The following AGRN variants were observed in gnomAD, a reference collection of about 807,000 sequenced individuals.
AGRN encodes the protein agrin, also known as agrin proteoglycan.
In AGRN, 106 loss-of-function variants were observed where a neutral mutation model predicts 211.0. That is an observed-to-expected ratio of 0.50 (90% CI 0.43 to 0.59). The LOEUF is 0.59. Ranked by LOEUF, AGRN falls within the 20% of genes least tolerant of loss-of-function variation. The pLI, the probability that AGRN is intolerant of heterozygous loss-of-function variation, is 0.00. For missense variants in AGRN, 3,040 were observed against 2,982.6 expected, an observed-to-expected ratio of 1.02 and a Z score of -0.45; for synonymous variants, 1,525 against 1,332.5, an observed-to-expected ratio of 1.14 and a Z score of -3.15.
chr1:1,044,720 C>T (rs1185792328), intron 12 of AGRN, among the ~76,000 whole-genome samples: 3 of 152,180 alleles, frequency 2.0e-5, no homozygotes, highest in Admixed American at 6.5e-5. Context: ...TCTCTGCATA[C>T]GTCCATCCGG....
chr1:1,045,327 C>G, intron 13 of AGRN, 32 bp from the exon 14 acceptor site: 1 of 1,612,074 alleles, frequency 6.2e-7, no homozygotes, highest in Non-Finnish European at 8.5e-7. Flanking sequence ...GGCTGTGCGG[C>G]CACGTGACCT....
Position 1,050,962 on chromosome 1 carries a change from GTCCTCTGCC to G in AGRN, c.5253+138_5253+146del, listed in dbSNP as rs935669772. The G allele has an allele frequency of 5.1e-5, 79 of 1,549,898 alleles. 1 individual carries two copies. The African/African-American group carries it at 8.5e-4, about 17-fold the overall frequency. The stretch of plus-strand genomic sequence containing the variant: ...TCCTGTTCTCTTGGCCGCCTGCCCT[GTCCTCTGCC>G]TCCTCTGCCTCCCTGCTCTCTGCTC... On this transcript the variant is annotated intron_variant, in intron 30 of 35. Coordinates refer to ENST00000379370, the MANE Select transcript of AGRN (RefSeq NM_198576.4).
intron 33 of AGRN, 85 bp from the exon 34 acceptor site, chr1:1,053,668 C>A (rs1645372400): frequency 6.6e-7 from 1 of 1,508,058 alleles, no homozygotes; most frequent in African/African-American, 1.4e-5. Context: ...GTGGCCTCCG[C>A]AGCTGGGGCC....
At position 1,031,857 on chromosome 1, in the gene AGRN, T is replaced by A. The variant is rs1388122171; in HGVS notation, c.464-3420T>A. Among the ~76,000 whole-genome samples the A allele has an allele frequency of 2.0e-5, 3 of 152,206 alleles. No homozygotes were observed. Among genetic ancestry groups the A allele is most frequent in the African/African-American group, 7.2e-5 (3 of 41,464 alleles). On this transcript the variant is annotated intron_variant, in intron 2 of 35. Coordinates refer to ENST00000379370, the MANE Select transcript of AGRN (RefSeq NM_198576.4). The surrounding 1 kb of genome is among the most constrained non-coding windows in gnomAD (Gnocchi z 4.8). ...TGGCGCGTGACCTGGTAGCACGGCC[T>A]GGGTTTGACCCTGGCACTGCCCCTG... is the stretch of plus-strand genomic sequence containing the variant.
At chr1:1,047,186 G>A in intron 19 of AGRN, 141 bp from the exon 20 acceptor site, 1 of 1,418,982 alleles carries the variant, frequency 7.0e-7, no homozygotes, top group Non-Finnish European at 9.4e-7. Flanking sequence ...GCCCCACCCT[G>A]GGGTCCCCAC....
chr1:1,054,665 C>A, intron 35 of AGRN, 114 bp downstream of exon 35: 1 of 1,483,476 alleles, frequency 6.7e-7, no homozygotes. Flanking sequence ...AGCCGGCGGG[C>A]TGGGCTCTCT....
rs1325213777 is a variant in AGRN, at chr1:1,048,163, C to G, written c.3903C>G (p.Thr1301=). Residue 1301 remains threonine (T), a synonymous_variant, in exon 23 of 36, where the codon ACC becomes ACG. Transcript: ENST00000379370. This position sits in a 1 kb window ranked among gnomAD's most constrained non-coding sequence, Gnocchi z 5.9. ...PSHTSQPVAK[T]TAAPTTRRPP... is the part of the protein sequence containing the mutation. The stretch of plus-strand genomic sequence containing the variant: ...ACACAAGCCAGCCCGTTGCCAAGAC[C>G]ACGGCAGCCCCCACCACACGTCGGC... 6.3e-7 allele frequency: 1 copy of G among 1,580,170 alleles called. No homozygotes were observed. The highest frequency in any genetic ancestry group is 1.3e-5 in the African/African-American group (1 of 74,218).
Position 1,046,838 on chromosome 1 carries a change from G to A in AGRN, c.3269G>A (p.Gly1090Asp). The stretch of plus-strand genomic sequence containing the variant: ...TCCCCAGGGCTCGAGCCCTTGGAGG[G>A]CAGCAGCGTGGCCACCCCTGGGCCA... ...GGSGGLEPLEGSSVATPGPPV... is the reference protein window; with the variant it reads ...GGSGGLEPLEDSSVATPGPPV... The change falls in exon 19 of 36, where the codon GGC (glycine) becomes GAC (aspartate). Residue 1090 changes from glycine to aspartate, a missense_variant. Around this residue, in one of 3 missense-constraint regions of AGRN, gnomAD observed 1,537 missense variants for 1,505.0 expected, o/e 1.02. Transcript: ENST00000379370. The A allele has an allele frequency of 6.3e-7, 1 of 1,585,804 alleles. No individual in the cohort carries two copies. Among genetic ancestry groups the A allele is most frequent in the African/African-American group, 1.3e-5 (1 of 74,912 alleles).
rs753038414 is a variant in AGRN at position 1,042,158 on chromosome 1, G to A, written c.1380G>A (p.Pro460=). 4.5e-5 allele frequency: 71 copies of A among 1,593,926 alleles called. No homozygotes were observed. The highest frequency in any genetic ancestry group is 2.7e-4 in the Admixed American group (16 of 59,698). ...QRAIPSKHQG[P]CDQAPSPCLG... ...CCATCCCCAGCAAGCACCAGGGCCC[G>A]TGTGGTGAGCGCCCCGGGGTGGAGG... Residue 460 remains proline, a synonymous_variant, in exon 7 of 36, where the codon CCG becomes CCA. Coordinates refer to ENST00000379370, the MANE Select transcript of AGRN (RefSeq NM_198576.4).
At chr1:1,049,492 T>C in intron 25 of AGRN, 41 bp downstream of exon 25, 1 of 1,599,794 alleles carries the variant, frequency 6.3e-7, no homozygotes. Context: ...ACCCCGGCCC[T>C]TTGGGGTCCC....
chr1:1,045,172 G>A lies in AGRN; in HGVS notation c.2266G>A (p.Ala756Thr), dbSNP rs140764403. 1,486 of 1,612,270 alleles carry A rather than the reference G, an allele frequency of 9.2e-4. 8 individuals carry two copies. The Middle Eastern group carries it at 0.013, about 14-fold the overall frequency. The change falls in exon 13 of 36, where the codon GCC becomes ACC. Residue 756 changes from alanine to threonine, a missense_variant. Around this residue, in one of 3 missense-constraint regions of AGRN, gnomAD observed 1,498 missense variants for 1,457.8 expected, o/e 1.03. Coordinates refer to ENST00000379370, the MANE Select transcript of AGRN (RefSeq NM_198576.4). ...ACCCTTTCCTGCAGGCCCCACCTTC[G>A]CCCCGCTGCCGCCTGTGGCCCCCTT... Reference protein sequence around the residue: ...AQGACRGPTFAPLPPVAPLHC... With the variant: ...AQGACRGPTFTPLPPVAPLHC...
intron 7 of AGRN, among the ~76,000 whole-genome samples, chr1:1,042,573 G>T (rs965342987): frequency 1.3e-5 from 2 of 152,174 alleles, no homozygotes; most frequent in South Asian, 2.1e-4. Flanking sequence ...GGCAGTGGCC[G>T]TCGTGTCCCG....
intron 2 of AGRN, among the ~76,000 whole-genome samples, chr1:1,033,866 C>G (rs895753321): frequency 6.6e-6 from 1 of 150,986 alleles, no homozygotes; most frequent in Admixed American, 6.6e-5. Flanking sequence ...CCGGCGTTCC[C>G]TTTTGTGCGG....
chr1:1,050,935 T>C, intron 30 of AGRN, 98 bp downstream of exon 30: 1 of 1,540,126 alleles, frequency 6.5e-7, no homozygotes, highest in Non-Finnish European at 8.8e-7. Flanking sequence ...GCTGTTTTTC[T>C]GTCCTGTTCT....
In AGRN at chr1:1,046,109, AG is replaced by A. The variant is rs769872642; in HGVS notation, c.2805+25del. 18 of 1,613,852 alleles carry A rather than the reference AG, an allele frequency of 1.1e-5. No homozygotes were observed. In the East Asian group the frequency reaches 1.8e-4, roughly 16 times the overall value. On this transcript the variant is annotated intron_variant, in intron 16 of 35. Coordinates refer to ENST00000379370, the MANE Select transcript of AGRN (RefSeq NM_198576.4). ...CCAAGGTGAGGGGTGTGGGATGTGAAGGGGAGTGGGGAGGAGGCCTCGCCTT... is the reference window on the plus strand; with the variant it reads ...CCAAGGTGAGGGGTGTGGGATGTGAAGGGAGTGGGGAGGAGGCCTCGCCTT...
chr1:1,044,103 C>T lies in AGRN; in HGVS notation c.2000-6C>T, dbSNP rs1276584198. 3.1e-6 allele frequency: 5 copies of T among 1,613,234 alleles called. No individual in the cohort carries two copies. In the African/African-American group the frequency reaches 4.0e-5, roughly 13 times the overall value. ...CCCTGGGTGACTCTGCTCCCCTTCC[C>T]CGCAGCCGAGTGCGGTTCCGGAGGC... On this transcript the variant is annotated splice_polypyrimidine_tract_variant and splice_region_variant and intron_variant, in intron 10 of 35. Transcript: ENST00000379370.
At chr1:1,034,861 C>G in intron 2 of AGRN, 1 of 394,416 alleles carries the variant, frequency 2.5e-6, no homozygotes, top group Non-Finnish European at 3.9e-6. Flanking sequence ...GGAGGCCGTC[C>G]TTGGGCTCTC....
At chr1:1,029,414 G>GATCAGTGTCTATGCAGGCAGGTGGGGGA (rs1557687888) in intron 2 of AGRN, among the ~76,000 whole-genome samples, 2 of 75,326 alleles carry the variant, frequency 2.7e-5, no homozygotes, top group Non-Finnish European at 6.4e-5. Flanking sequence ...CAGGTGGGGG[G>GATCAGTGTCTATGCAGGCAGGTGGGGGA]GACATCAGTG....
In AGRN at chr1:1,046,617, G is replaced by A. The variant is rs747633469; in HGVS notation, c.3132G>A (p.Thr1044=). ...GGCCCGTGCTGACGGTGCCCCCCACGGCACCCTCCCCTGCACCCAGCCTGG... is the reference window on the plus strand; with the variant it reads ...GGCCCGTGCTGACGGTGCCCCCCACAGCACCCTCCCCTGCACCCAGCCTGG... ...TVWPVLTVPP[T]APSPAPSLVA... The change falls in exon 18 of 36, where the codon ACG becomes ACA. Residue 1044 remains threonine, a synonymous_variant. Transcript: ENST00000379370. The A allele has an allele frequency of 5.2e-5, 83 of 1,603,152 alleles. No homozygotes were observed. The Admixed American group carries it at 7.0e-4, about 14-fold the overall frequency.
Sources: allele counts gnomAD v4.1 joint callset (sites outside exome capture counted in the v4.1 genomes callset), GRCh38; gene constraint gnomAD v4.1.1; regional missense constraint gnomAD v4.1.1; non-coding constraint Gnocchi (gnomAD v3.1); transcripts MANE v1.5; gene names NCBI Gene and HGNC (gene_info 2026-07-23, HGNC 2026-07-21).